The following GSK3B variants were observed in gnomAD, a reference collection of about 807,000 sequenced individuals.
GSK3B encodes the protein glycogen synthase kinase 3 beta, also known as glycogen synthase kinase-3 beta.
GSK3B carries 15 observed loss-of-function variants against 56.4 expected under a neutral mutation model. The ratio of observed to expected loss-of-function variants is 0.27; its 90% CI spans 0.18 to 0.41. The LOEUF (loss-of-function observed/expected upper bound fraction) is 0.41, where lower values mean the gene tolerates loss of function less well. Ranked by LOEUF, GSK3B falls within the 10% of genes least tolerant of loss-of-function variation. The probability of loss-of-function intolerance (pLI) is 1.00; values close to 1 mark genes in which losing one functional copy is unlikely to be tolerated. For synonymous variants in GSK3B, 181 were observed against 188.9 expected (o/e 0.96, Z 0.34); for missense variants, 300 against 513.4 (o/e 0.58, Z 4.02).
chr3:119,918,832 T>C (rs2056807747), intron 4 of GSK3B, among the ~76,000 whole-genome samples: 1 of 152,236 alleles, frequency 6.6e-6, no homozygotes. Context: ...GAAAGGAATG[T>C]ATTTTGCAGT....
intron 2 of GSK3B, among the ~76,000 whole-genome samples, chr3:119,954,310 AAACAG>A (rs55993320): frequency 0.062 from 9,225 of 148,600 alleles, 402 homozygotes; most frequent in Middle Eastern, 0.087. Flanking sequence ...AATAGAAAAG[AAACAG>A]AACAGAACAG....
chr3:119,911,333 T>A (rs2056732707), intron 6 of GSK3B, among the ~76,000 whole-genome samples: 1 of 152,218 alleles, frequency 6.6e-6, no homozygotes, highest in South Asian at 2.1e-4. Context: ...ACAGATGTGC[T>A]ATCATCCACT....
intron 1 of GSK3B, among the ~76,000 whole-genome samples, chr3:120,066,624 A>T (rs977925622): frequency 6.6e-6 from 1 of 152,316 alleles, no homozygotes; most frequent in East Asian, 1.9e-4. Flanking sequence ...TTCCAGCTAC[A>T]AATACAAAAT....
At chr3:119,933,750 G>A (rs1228175707) in intron 3 of GSK3B, among the ~76,000 whole-genome samples, 1 of 152,114 alleles carries the variant, frequency 6.6e-6, no homozygotes, top group Non-Finnish European at 1.5e-5. Context: ...GGTGGCAGAC[G>A]CCTGTAATCC....
At chr3:119,912,863 T>A in intron 5 of GSK3B, 53 bp from the exon 6 acceptor site, 2 of 835,288 alleles carry the variant, frequency 2.4e-6, no homozygotes, top group Non-Finnish European at 3.9e-6. Context: ...ATCTAAACCT[T>A]AAAGAACTTA....
intron 10 of GSK3B, among the ~76,000 whole-genome samples, chr3:119,830,420 C>T (rs560569124): frequency 6.6e-6 from 1 of 152,154 alleles, no homozygotes; most frequent in South Asian, 2.1e-4. Context: ...ATTTAAAATT[C>T]CGATAAATTG....
At chr3:119,927,842 A>C (rs2107470468) in intron 3 of GSK3B, among the ~76,000 whole-genome samples, 1 of 152,320 alleles carries the variant, frequency 6.6e-6, no homozygotes, top group East Asian at 1.9e-4. Context: ...CAGGGGACTT[A>C]GCAAACATGA....
chr3:119,884,252 C>T (rs1462367325), intron 7 of GSK3B, among the ~76,000 whole-genome samples: 2 of 152,100 alleles, frequency 1.3e-5, no homozygotes, highest in East Asian at 1.9e-4. Flanking sequence ...GCAAAAAATA[C>T]AGCCCAAAAG....
At chr3:120,021,264 G>C (rs1483221216) in intron 1 of GSK3B, among the ~76,000 whole-genome samples, 1 of 151,948 alleles carries the variant, frequency 6.6e-6, no homozygotes, top group Non-Finnish European at 1.5e-5. Flanking sequence ...CCAGCACTTT[G>C]GGAGGCCGAG....
At chr3:120,055,524 A>C (rs1242296385) in intron 1 of GSK3B, among the ~76,000 whole-genome samples, 3 of 152,252 alleles carry the variant, frequency 2.0e-5, no homozygotes, top group African/African-American at 4.8e-5. Flanking sequence ...GCAAAATGCC[A>C]CAATCAGTAT....
chr3:120,039,582 A>C (rs1460753781), intron 1 of GSK3B, among the ~76,000 whole-genome samples: 1 of 152,156 alleles, frequency 6.6e-6, no homozygotes, highest in Non-Finnish European at 1.5e-5. Context: ...TCCACCCATT[A>C]GAAACCACAC....
chr3:119,954,276 AT>A (rs1258092065), intron 2 of GSK3B, among the ~76,000 whole-genome samples: 66 of 149,308 alleles, frequency 4.4e-4, no homozygotes, highest in Non-Finnish European at 8.0e-4. Flanking sequence ...ATAGAATAGA[AT>A]AGAATAGAAT....
intron 1 of GSK3B, among the ~76,000 whole-genome samples, chr3:120,071,315 G>C (rs773537926): frequency 1.3e-5 from 2 of 152,162 alleles, no homozygotes; most frequent in Non-Finnish European, 2.9e-5. Context: ...AGTTGAGCTA[G>C]GAAATAAGTA....
rs1297265995 is a variant in GSK3B at position 119,877,067 on chromosome 3, C to T, written c.814-559G>A. The stretch of plus-strand genomic sequence containing the variant: ...AAAGCCTTTTATCTGTAGCTGACTA[C>T]AGATTCCATGCTGTATTACCATAGA... On this transcript the variant is annotated intron_variant, in intron 7 of 10. Coordinates refer to ENST00000264235, the MANE Select transcript of GSK3B (RefSeq NM_001146156.2). Among the ~76,000 whole-genome samples, 4 of 152,164 alleles carry T rather than the reference C, an allele frequency of 2.6e-5. No individual in the cohort carries two copies. In the East Asian group the frequency reaches 7.7e-4, roughly 29 times the overall value.
At chr3:119,930,115 ACACACACACG>A (rs2056930924) in intron 3 of GSK3B, among the ~76,000 whole-genome samples, 1 of 150,552 alleles carries the variant, frequency 6.6e-6, no homozygotes, top group South Asian at 2.1e-4. Context: ...ACACACACAC[ACACACACACG>A]TGCGCATGCA....
intron 9 of GSK3B, among the ~76,000 whole-genome samples, chr3:119,853,796 C>T (rs763093117): frequency 6.6e-6 from 1 of 152,150 alleles, no homozygotes; most frequent in Non-Finnish European, 1.5e-5. Flanking sequence ...GCTGAAATTG[C>T]TTATCAGCTT....
intron 2 of GSK3B, among the ~76,000 whole-genome samples, chr3:119,960,558 T>C (rs1486047678): frequency 1.3e-5 from 2 of 152,342 alleles, no homozygotes; most frequent in East Asian, 1.9e-4. Context: ...GATGTAATCA[T>C]TGAGGGAAAG....
intron 1 of GSK3B, among the ~76,000 whole-genome samples, chr3:120,049,992 A>C (rs1286894538): frequency 6.6e-6 from 1 of 152,220 alleles, no homozygotes; most frequent in Non-Finnish European, 1.5e-5. Context: ...TATTCACCTC[A>C]CAGTTCTACA....
intron 7 of GSK3B, among the ~76,000 whole-genome samples, chr3:119,899,704 T>C (rs2056606568): frequency 6.6e-6 from 1 of 152,114 alleles, no homozygotes; most frequent in Non-Finnish European, 1.5e-5. Context: ...AAACAAAAAA[T>C]TGAAAGCAAC....
Sources: allele counts gnomAD v4.1 joint callset (sites outside exome capture counted in the v4.1 genomes callset), GRCh38; gene constraint gnomAD v4.1.1; transcripts MANE v1.5; gene names NCBI Gene and HGNC (gene_info 2026-07-23, HGNC 2026-07-21).